The following AP2B1 variants were observed in gnomAD, a reference collection of about 807,000 sequenced individuals.
The protein encoded by AP2B1 is adaptor related protein complex 2 subunit beta 1.
In AP2B1, 23 loss-of-function variants were observed where a neutral mutation model predicts 102.0. That is an observed-to-expected ratio of 0.23 (90% confidence interval 0.16 to 0.32). The LOEUF (loss-of-function observed/expected upper bound fraction) is 0.32. AP2B1 is among the 10% of genes least tolerant of loss of function. The probability of loss-of-function intolerance (pLI) is 1.00; values close to 1 mark genes in which losing one functional copy is unlikely to be tolerated. For missense variants in AP2B1, 541 were observed against 1,157.4 expected (o/e 0.47, Z 7.73); for synonymous variants, 381 against 421.2 (o/e 0.90, Z 1.17).
intron 12 of AP2B1, among the ~76,000 whole-genome samples, chr17:35,648,866 ATTTTT>A (rs556692170): frequency 6.8e-6 from 1 of 147,404 alleles, no homozygotes; most frequent in African/African-American, 2.5e-5. Context: ...ATTGGGGGAG[ATTTTT>A]TTTTTATGTC....
Position 35,616,634 on chromosome 17 carries a change from T to TAACCAAAG in AP2B1, c.526-7762_526-7755dup, listed in dbSNP as rs1188400349. Among the ~76,000 whole-genome samples, 7 of 152,354 alleles carry TAACCAAAG rather than the reference T, an allele frequency of 4.6e-5. No individual in the cohort carries two copies. The East Asian group carries it at 1.4e-3, about 29-fold the overall frequency. On this transcript the variant is annotated intron_variant, in intron 5 of 21. Transcript: ENST00000610402. ...GAAATTAGCATTGGGATGTTACTATTAACCAAAGTAGAATTTCACCAGTTT... is the reference window on the plus strand; with the variant it reads ...GAAATTAGCATTGGGATGTTACTATTAACCAAAGAACCAAAGTAGAATTTCACCAGTTT...
At chr17:35,656,901 T>C (rs1034457085) in intron 13 of AP2B1, among the ~76,000 whole-genome samples, 2 of 123,890 alleles carry the variant, frequency 1.6e-5, no homozygotes, top group Non-Finnish European at 3.5e-5. Flanking sequence ...AAAAAAAAAA[T>C]CAACTCTCCA....
intron 14 of AP2B1, among the ~76,000 whole-genome samples, chr17:35,665,328 G>A (rs2075443451): frequency 6.6e-6 from 1 of 151,936 alleles, no homozygotes; most frequent in African/African-American, 2.4e-5. Context: ...GTTTTGCCAT[G>A]TTATTCAGGC....
intron 18 of AP2B1, among the ~76,000 whole-genome samples, chr17:35,693,211 G>GT (rs1351321556): frequency 3.9e-5 from 6 of 151,992 alleles, no homozygotes; most frequent in African/African-American, 1.2e-4. Context: ...TAGAGATGAG[G>GT]TTTTTTCACC....
At chr17:35,630,270 C>T (rs934578195) in intron 9 of AP2B1, among the ~76,000 whole-genome samples, 9 of 152,176 alleles carry the variant, frequency 5.9e-5, no homozygotes, top group African/African-American at 1.7e-4. Context: ...GTTCTGCTAG[C>T]TCACTTGATT....
rs776111625 is a variant in AP2B1 at position 35,657,624 on chromosome 17, G to A, written c.1822G>A (p.Gly608Ser). ...GSTDAGDSPV[G>S]TTTATNLEQP... ...CACTGATGCAGGTGACAGCCCTGTT[G>A]GCACTACCACTGCAACGAACCTGGA... Residue 608 changes from glycine to serine, a missense_variant, in exon 14 of 22, where the codon GGC becomes AGC. Physicochemically the swap from Gly to Ser is moderately conservative, Grantham distance 56. Coordinates refer to ENST00000610402, the MANE Select transcript of AP2B1 (RefSeq NM_001030006.2). 18 of 1,613,738 alleles carry A rather than the reference G, an allele frequency of 1.1e-5. No homozygotes were observed. Among genetic ancestry groups the A allele is most frequent in the Non-Finnish European group, 1.4e-5 (17 of 1,179,740 alleles).
chr17:35,674,319 T>C lies in AP2B1; in HGVS notation c.2322T>C (p.Asn774=), dbSNP rs1417435856. 1.9e-6 allele frequency: 3 copies of C among 1,613,926 alleles called. No homozygotes were observed. The highest frequency in any genetic ancestry group is 1.3e-5 in the African/African-American group (1 of 74,906). The change falls in exon 17 of 22, where the codon AAT becomes AAC. Residue 774 remains asparagine, a splice_region_variant and synonymous_variant. Coordinates refer to ENST00000610402, the MANE Select transcript of AP2B1 (RefSeq NM_001030006.2). ...ATTTTGCAATCCAGTTTAACAAAAA[T>C]AGGTAAGCAATCTGGGTCCCTAGCT... The part of the protein sequence containing the change: ...MTDFAIQFNK[N]SFGVIPSTPL...
chr17:35,703,568 C>A (rs1157939149), intron 18 of AP2B1, among the ~76,000 whole-genome samples: 1 of 152,130 alleles, frequency 6.6e-6, no homozygotes, highest in Non-Finnish European at 1.5e-5. Flanking sequence ...CCTTAGCAAA[C>A]TAACACAGGA....
At chr17:35,627,778 C>T (rs1185331912) in intron 9 of AP2B1, 52 bp downstream of exon 9, 1 of 1,428,738 alleles carries the variant, frequency 7.0e-7, no homozygotes, top group East Asian at 2.3e-5. Flanking sequence ...TGAGAGTTCT[C>T]TTCACTTTTT....
At position 35,598,213 on chromosome 17, in the gene AP2B1, G is replaced by T; in HGVS notation, c.38-17G>T. On this transcript the variant is annotated splice_polypyrimidine_tract_variant and intron_variant, in intron 2 of 21. Coordinates refer to ENST00000610402, the MANE Select transcript of AP2B1 (RefSeq NM_001030006.2). ...TGTGGTACTGGAACCTTACCAGTTTGCTCTCATCTCTTGCAGGAGAAATAT... is the reference window on the plus strand; with the variant it reads ...TGTGGTACTGGAACCTTACCAGTTTTCTCTCATCTCTTGCAGGAGAAATAT... The T allele has an allele frequency of 1.3e-6, 2 of 1,553,920 alleles. No homozygotes were observed.
chr17:35,589,706 G>A (rs985886008), intron 1 of AP2B1, among the ~76,000 whole-genome samples: 1 of 152,158 alleles, frequency 6.6e-6, no homozygotes, highest in South Asian at 2.1e-4. Context: ...GTGGCCTTAG[G>A]CCATACCGTA....
At chr17:35,706,360 T>C (rs987325019) in intron 18 of AP2B1, among the ~76,000 whole-genome samples, 1 of 152,236 alleles carries the variant, frequency 6.6e-6, no homozygotes, top group African/African-American at 2.4e-5. Flanking sequence ...TAGATAACAA[T>C]GTTCTAAATT....
intron 18 of AP2B1, among the ~76,000 whole-genome samples, chr17:35,703,487 T>C (rs1016884320): frequency 1.3e-5 from 2 of 152,134 alleles, no homozygotes; most frequent in Admixed American, 1.3e-4. Flanking sequence ...TACCGTGGAA[T>C]ACTATGCACC....
intron 18 of AP2B1, among the ~76,000 whole-genome samples, chr17:35,693,169 C>T (rs185809246): frequency 3.4e-4 from 52 of 152,158 alleles, no homozygotes; most frequent in Non-Finnish European, 4.4e-5. Flanking sequence ...AGGTGCCTGC[C>T]ACCACGCTCA....
rs574283183 is a variant in AP2B1, at chr17:35,599,569, G to A, written c.143+1234G>A. On this transcript the variant is annotated intron_variant, in intron 3 of 21. Coordinates refer to ENST00000610402, the MANE Select transcript of AP2B1 (RefSeq NM_001030006.2). ...ATTTTTCCAAATGACCAGAGCATAT[G>A]TATATCACAAAATTATGCATGGATA... Among the ~76,000 whole-genome samples the A allele has an allele frequency of 4.1e-4, 63 of 152,300 alleles. 1 individual carries two copies. The highest frequency in any genetic ancestry group is 1.5e-3 in the African/African-American group (61 of 41,566).
At chr17:35,696,585 C>T (rs587709350) in intron 18 of AP2B1, among the ~76,000 whole-genome samples, 4 of 151,840 alleles carry the variant, frequency 2.6e-5, no homozygotes, top group South Asian at 2.1e-4. Flanking sequence ...ACAGGAGTTT[C>T]GTCATGTTGG....
chr17:35,634,783 T>C (rs983865695), intron 9 of AP2B1, among the ~76,000 whole-genome samples: 3 of 152,232 alleles, frequency 2.0e-5, no homozygotes, highest in Non-Finnish European at 4.4e-5. Context: ...GAAAATATGC[T>C]TGAAAGCTCC....
In AP2B1 at chr17:35,627,515, T is replaced by C; in HGVS notation, c.1059+10T>C. On this transcript the variant is annotated intron_variant, in intron 8 of 21. Coordinates refer to ENST00000610402, the MANE Select transcript of AP2B1 (RefSeq NM_001030006.2). ...AGCCAACATTGCTCAGGTCAGACTTTATGCAGACTCAAGTTGATGATGATT... is the reference window on the plus strand; with the variant it reads ...AGCCAACATTGCTCAGGTCAGACTTCATGCAGACTCAAGTTGATGATGATT... 1 of 1,614,072 alleles carries C rather than the reference T, an allele frequency of 6.2e-7. No homozygotes were observed. Among genetic ancestry groups the C allele is most frequent in the East Asian group, 2.2e-5 (1 of 44,876 alleles).
At chr17:35,673,433 C>T (rs1187777250) in intron 16 of AP2B1, among the ~76,000 whole-genome samples, 1 of 152,074 alleles carries the variant, frequency 6.6e-6, no homozygotes, top group Non-Finnish European at 1.5e-5. Context: ...GTGATCTGCC[C>T]TCCTCAGCCT....
Sources: gnomAD v4.1 joint callset for allele counts (sites outside exome capture counted in the v4.1 genomes callset) on GRCh38, gnomAD v4.1.1 for gene constraint, MANE v1.5 for transcripts, NCBI Gene and HGNC (gene_info 2026-07-23, HGNC 2026-07-21) for gene names.